KIFAP3: variants seen among roughly 807,000 people sequenced by gnomAD.
The protein encoded by KIFAP3 is kinesin associated protein 3.
In KIFAP3, 68 loss-of-function variants were observed where a neutral mutation model predicts 106.5. That is an observed-to-expected ratio of 0.64 (90% CI 0.53 to 0.78). The LOEUF (loss-of-function observed/expected upper bound fraction) is 0.78, where lower values mean the gene tolerates loss of function less well. Ranked by LOEUF, KIFAP3 falls within the 30% of genes least tolerant of loss-of-function variation. The probability of loss-of-function intolerance (pLI) is 0.00; values close to 1 mark genes in which losing one functional copy is unlikely to be tolerated. For missense variants in KIFAP3, 780 were observed against 941.8 expected, an observed-to-expected ratio of 0.83 and a Z score of 2.25; for synonymous variants, 320 against 311.5, an observed-to-expected ratio of 1.03 and a Z score of -0.29.
At chr1:170,002,247 A>C (rs1667701427) in intron 10 of KIFAP3, among the ~76,000 whole-genome samples, 1 of 152,112 alleles carries the variant, frequency 6.6e-6, no homozygotes, top group Non-Finnish European at 1.5e-5. Flanking sequence ...ATATTACCTA[A>C]ATGTAATCTA....
intron 5 of KIFAP3, among the ~76,000 whole-genome samples, chr1:170,036,174 GA>G (rs1293404045): frequency 6.6e-6 from 1 of 151,988 alleles, no homozygotes; most frequent in African/African-American, 2.4e-5. Flanking sequence ...TTGAGGAAAT[GA>G]AAATTATAAA....
rs1308816088 is a variant in KIFAP3 at position 169,982,006 on chromosome 1, A to G, written c.1764T>C (p.Ser588=). The G allele has an allele frequency of 6.2e-7, 1 of 1,613,604 alleles. No homozygotes were observed. Among genetic ancestry groups the G allele is most frequent in the Admixed American group, 1.7e-5 (1 of 59,998 alleles). The part of the protein sequence containing the change: ...DDSCAALLAK[S]GIIPALIELL... Reference sequence around the variant, plus strand: ...ATTCAATGAGTGCAGGGATTATGCCAGATTTGGCTAGCAATGCAGCACAAG... The same window carrying G: ...ATTCAATGAGTGCAGGGATTATGCCGGATTTGGCTAGCAATGCAGCACAAG... Residue 588 remains serine (S), a synonymous_variant, in exon 15 of 20, where the codon TCT becomes TCC. Transcript: ENST00000361580.
chr1:169,998,951 T>C (rs116250641), intron 10 of KIFAP3, among the ~76,000 whole-genome samples: 3,409 of 152,086 alleles, frequency 0.022, 111 homozygotes, highest in African/African-American at 0.066. Flanking sequence ...CAAAATTGAG[T>C]ACGTGGAGGG....
intron 17 of KIFAP3, among the ~76,000 whole-genome samples, chr1:169,972,248 C>T (rs536080): frequency 0.94 from 142,549 of 152,114 alleles, 66,875 homozygotes; most frequent in East Asian, 1. Flanking sequence ...ATAATTTATC[C>T]GAAAAACAAG....
At position 170,060,648 on chromosome 1, in the gene KIFAP3, T is replaced by C. The variant is rs538405746; in HGVS notation, c.33-5212A>G. 7.2e-5 allele frequency among the ~76,000 whole-genome samples: 11 copies of C among 152,300 alleles called. No individual in the cohort carries two copies. The East Asian group carries it at 1.2e-3, about 16-fold the overall frequency. Reference sequence around the variant, plus strand: ...CTATCAATGACTTTCTTCACAGAATTGGAAAAAATTACTTTAAAGTTCACA... The same window carrying C: ...CTATCAATGACTTTCTTCACAGAATCGGAAAAAATTACTTTAAAGTTCACA... On this transcript the variant is annotated intron_variant, in intron 1 of 19. Transcript: ENST00000361580.
intron 9 of KIFAP3, among the ~76,000 whole-genome samples, chr1:170,019,400 C>T (rs1044355653): frequency 2.0e-5 from 3 of 151,942 alleles, no homozygotes; most frequent in South Asian, 2.1e-4. Flanking sequence ...TAGAATAATG[C>T]CTCATAAACA....
intron 9 of KIFAP3, 41 bp downstream of exon 9, chr1:170,024,377 G>T: frequency 1.5e-6 from 2 of 1,306,222 alleles, no homozygotes; most frequent in Non-Finnish European, 2.1e-6. Flanking sequence ...ACTTGAAAAT[G>T]GCAAAAATGA....
intron 10 of KIFAP3, among the ~76,000 whole-genome samples, chr1:169,995,653 T>C (rs1047716268): frequency 3.3e-5 from 5 of 152,050 alleles, no homozygotes; most frequent in African/African-American, 1.2e-4. Context: ...AGGCTAGGAA[T>C]GAAACAGGAA....
In KIFAP3 at chr1:169,982,165, AATGTAAATACACAGAAAGGAT is replaced by A. The variant is rs1182949689; in HGVS notation, c.1673-89_1673-69del. Reference sequence around the variant, plus strand: ...GATCCAAATTCATTTAGAGTATCAAAATGTAAATACACAGAAAGGATACTGAAAGCTATTAAATCAAGTCAT... The same window carrying A: ...GATCCAAATTCATTTAGAGTATCAAAACTGAAAGCTATTAAATCAAGTCAT... On this transcript the variant is annotated intron_variant, in intron 14 of 19. Transcript: ENST00000361580. 1.9e-5 allele frequency: 28 copies of A among 1,457,638 alleles called. No individual in the cohort carries two copies. In the Middle Eastern group the frequency reaches 1.1e-3, roughly 55 times the overall value. 90.3% of individuals were successfully genotyped at this position (1,457,638 alleles called of 1,614,324 possible).
At chr1:169,971,943 A>G (rs1162262347) in intron 17 of KIFAP3, among the ~76,000 whole-genome samples, 1 of 152,134 alleles carries the variant, frequency 6.6e-6, no homozygotes, top group East Asian at 1.9e-4. Context: ...ATTACTGGCA[A>G]TAAGTCTGCA....
At chr1:169,958,914 A>G (rs1054783654) in intron 18 of KIFAP3, among the ~76,000 whole-genome samples, 3 of 152,336 alleles carry the variant, frequency 2.0e-5, no homozygotes, top group Middle Eastern at 3.4e-3. Context: ...TTCACATAAT[A>G]CTAAGATTTT....
intron 10 of KIFAP3, among the ~76,000 whole-genome samples, chr1:170,009,330 A>C (rs1668128603): frequency 6.6e-6 from 1 of 151,916 alleles, no homozygotes; most frequent in Non-Finnish European, 1.5e-5. Flanking sequence ...GTACAATAAT[A>C]TCACACACAA....
Position 170,082,664 on chromosome 1 carries a change from G to A in KIFAP3, n.174+2371C>T, listed in dbSNP as rs188687641. Among the ~76,000 whole-genome samples the A allele has an allele frequency of 3.4e-4, 52 of 152,208 alleles. 1 individual carries two copies. Among genetic ancestry groups the A allele is most frequent in the African/African-American group, 1.0e-3 (43 of 41,536 alleles). ...GAAAAAAGTAGTAAGCCAAATGGGT[G>A]GATTAAATAGCATATTAAACACAGT... On this transcript the variant is annotated intron_variant and non_coding_transcript_variant, in intron 1 of 5. Transcript: ENST00000490550.
At chr1:169,997,079 A>G (rs1307722180) in intron 10 of KIFAP3, among the ~76,000 whole-genome samples, 1 of 152,234 alleles carries the variant, frequency 6.6e-6, no homozygotes, top group Non-Finnish European at 1.5e-5. Flanking sequence ...GACTGATAAA[A>G]GCAATACTCT....
rs1001379031 is a variant in KIFAP3, at chr1:170,074,444, G to A, written c.24C>T (p.Tyr8=). Residue 8 remains tyrosine, a synonymous_variant, in exon 1 of 20, where the codon TAC becomes TAT. Coordinates refer to ENST00000361580, the MANE Select transcript of KIFAP3 (RefSeq NM_014970.4). ...CCTTGGGGAGTCGTCACCTTTTGAG[G>A]TATCTGGCGTCCTCCCCTTGCATGG... MQGEDAR[Y]LKRKVKGGNI... 2 of 1,614,088 alleles carry A rather than the reference G, an allele frequency of 1.2e-6. No homozygotes were observed. The highest frequency in any genetic ancestry group is 1.7e-6 in the Non-Finnish European group (2 of 1,179,986).
At chr1:170,033,912 T>C (rs1669546961) in intron 7 of KIFAP3, among the ~76,000 whole-genome samples, 1 of 151,866 alleles carries the variant, frequency 6.6e-6, no homozygotes, top group Admixed American at 6.6e-5. Flanking sequence ...AAATTTTTAT[T>C]TATTAACAAC....
At chr1:170,050,497 A>G (rs978403065) in intron 2 of KIFAP3, among the ~76,000 whole-genome samples, 1 of 152,184 alleles carries the variant, frequency 6.6e-6, no homozygotes, top group Non-Finnish European at 1.5e-5. Flanking sequence ...AGAGAACACC[A>G]CTAAGATACT....
chr1:169,950,345 T>C (rs192565418), intron 19 of KIFAP3, among the ~76,000 whole-genome samples: 169 of 152,248 alleles, frequency 1.1e-3, no homozygotes, highest in Non-Finnish European at 1.5e-3. Flanking sequence ...ACTTAAATCA[T>C]TGAAAACAAT....
At chr1:169,998,829 G>C (rs1188763392) in intron 10 of KIFAP3, among the ~76,000 whole-genome samples, 1 of 152,028 alleles carries the variant, frequency 6.6e-6, no homozygotes, top group East Asian at 1.9e-4. Flanking sequence ...CTTATTCACT[G>C]AATCATAAAT....
Sources: allele counts gnomAD v4.1 joint callset (sites outside exome capture counted in the v4.1 genomes callset), GRCh38; gene constraint gnomAD v4.1.1; transcripts MANE v1.5; gene names NCBI Gene and HGNC (gene_info 2026-07-23, HGNC 2026-07-21).